TGFBRAP1: variants seen among roughly 807,000 people sequenced by gnomAD.
TGFBRAP1 encodes the protein transforming growth factor-beta receptor-associated protein 1.
In TGFBRAP1, 20 loss-of-function variants were observed where a neutral mutation model predicts 83.2. The observed-to-expected ratio is 0.24, with a 90% CI of 0.17 to 0.35. The LOEUF (loss-of-function observed/expected upper bound fraction) is 0.35. Ranked by LOEUF, TGFBRAP1 falls within the 10% of genes least tolerant of loss-of-function variation. The pLI is 1.00. For synonymous variants in TGFBRAP1, 415 were observed against 459.8 expected (o/e 0.90, Z 1.25); for missense variants, 950 against 1,099.4 (o/e 0.86, Z 1.92).
chr2:105,310,418 G>A (rs946227902), intron 1 of TGFBRAP1, among the ~76,000 whole-genome samples: 22 of 152,044 alleles, frequency 1.4e-4, no homozygotes, highest in Non-Finnish European at 3.1e-4. Flanking sequence ...AACACAGCCT[G>A]CATCATAAGC....
the TGFBRAP1 span, among the ~76,000 whole-genome samples, chr2:105,250,987 G>A: frequency 4.9e-4 from 74 of 152,326 alleles, no homozygotes; most frequent in East Asian, 9.7e-3. Context: ...GTGCAGTGGC[G>A]TGATCTCGGC....
chr2:105,304,465 TA>T (rs1678420648), intron 2 of TGFBRAP1, among the ~76,000 whole-genome samples: 1 of 152,158 alleles, frequency 6.6e-6, no homozygotes. Flanking sequence ...TGTGAAGCCA[TA>T]AAAAGACATG....
chr2:105,249,415 G>A, the TGFBRAP1 span: 2 of 151,772 alleles, frequency 1.3e-5, no homozygotes, highest in Admixed American at 6.6e-5. Context: ...TTCACAAAGA[G>A]CCTTTGTTTA....
intron 10 of TGFBRAP1, among the ~76,000 whole-genome samples, chr2:105,271,563 C>A (rs948665357): frequency 6.6e-6 from 1 of 152,084 alleles, no homozygotes; most frequent in African/African-American, 2.4e-5. Flanking sequence ...CTCTACTGCT[C>A]GTGGGCTGTG....
At chr2:105,284,460 T>C in intron 4 of TGFBRAP1, 62 bp from the exon 5 acceptor site, 1 of 1,482,204 alleles carries the variant, frequency 6.7e-7, no homozygotes, top group Non-Finnish European at 9.4e-7. Context: ...CAGGGTTAAA[T>C]TTGTCTAACC....
chr2:105,269,292 A>G lies in TGFBRAP1; in HGVS notation c.2386T>C (p.Leu796=), dbSNP rs199640334. 8 of 1,606,412 alleles carry G rather than the reference A, an allele frequency of 5.0e-6. No homozygotes were observed. In the East Asian group the frequency reaches 1.8e-4, roughly 36 times the overall value. Residue 796 remains leucine, a synonymous_variant, in exon 11 of 12, where the codon TTA becomes CTA. Coordinates refer to ENST00000393359, the MANE Select transcript of TGFBRAP1 (RefSeq NM_004257.6). This position sits in a 1 kb window ranked among gnomAD's most constrained non-coding sequence, Gnocchi z 4.1. ...VALGLARSEN[L]IYTYDKMKLK... ...CTTACCTTATCGTAGGTGTAGATTAAGTTTTCGGACCTGGCCAGGCCGAGA... is the reference window on the plus strand; with the variant it reads ...CTTACCTTATCGTAGGTGTAGATTAGGTTTTCGGACCTGGCCAGGCCGAGA...
the TGFBRAP1 span, among the ~76,000 whole-genome samples, chr2:105,255,234 T>C: frequency 6.6e-6 from 1 of 152,248 alleles, no homozygotes; most frequent in Admixed American, 6.5e-5. Context: ...GGGCCCTTGC[T>C]GACCCTAGAG....
chr2:105,280,804 C>T (rs2679833), intron 5 of TGFBRAP1, 81 bp from the exon 6 acceptor site: 1,397,908 of 1,442,700 alleles, frequency 0.97, 677,408 homozygotes, highest in East Asian at 1. Flanking sequence ...TGGAGGGGAG[C>T]GCACGGTGGC....
chr2:105,260,466 T>C (rs894307161), downstream of TGFBRAP1, among the ~76,000 whole-genome samples: 2 of 152,284 alleles, frequency 1.3e-5, no homozygotes, highest in African/African-American at 4.8e-5. Flanking sequence ...TTTGAGGACA[T>C]TATGTCAAGT....
chr2:105,270,080 C>A (rs1677098685), intron 10 of TGFBRAP1, among the ~76,000 whole-genome samples: 1 of 152,192 alleles, frequency 6.6e-6, no homozygotes, highest in Non-Finnish European at 1.5e-5. Context: ...AGGACAGTAT[C>A]TTTTGACTAA....
At chr2:105,251,678 A>G in the TGFBRAP1 span, among the ~76,000 whole-genome samples, 3 of 152,278 alleles carry the variant, frequency 2.0e-5, no homozygotes, top group Admixed American at 6.5e-5. Context: ...CCATGATGAC[A>G]ATGGCGGTTT....
Position 105,267,356 on chromosome 2 carries a change from T to TC in TGFBRAP1, c.*26dup. On this transcript the variant is annotated 3_prime_UTR_variant, in exon 12 of 12. Coordinates refer to ENST00000393359, the MANE Select transcript of TGFBRAP1 (RefSeq NM_004257.6). ...AGCAGGCTCAGAAAGAACTCGGAGTTCCCCTCGCACCCTTGGGCCAAGCTT... is the reference window on the plus strand; with the variant it reads ...AGCAGGCTCAGAAAGAACTCGGAGTTCCCCCTCGCACCCTTGGGCCAAGCTT... 3.1e-6 allele frequency: 5 copies of TC among 1,610,920 alleles called. No homozygotes were observed. Among genetic ancestry groups the TC allele is most frequent in the Non-Finnish European group, 4.2e-6 (5 of 1,177,852 alleles).
chr2:105,292,134 AG>A (rs943894993), intron 4 of TGFBRAP1, among the ~76,000 whole-genome samples: 3 of 152,222 alleles, frequency 2.0e-5, no homozygotes, highest in African/African-American at 7.2e-5. Context: ...GGACTGCTTT[AG>A]AAAACCAAAA....
In TGFBRAP1 at chr2:105,273,219, C is replaced by A. The variant is rs112279124; in HGVS notation, c.1813-205G>T. Among the ~76,000 whole-genome samples the A allele has an allele frequency of 5.8e-3, 881 of 152,174 alleles. 5 individuals carry two copies. The highest frequency in any genetic ancestry group is 9.3e-3 in the Non-Finnish European group (630 of 68,002). On this transcript the variant is annotated intron_variant, in intron 9 of 11. Transcript: ENST00000393359. ...TGGGGAATAGAACAAAATGTCACCT[C>A]TTATTTCAAGAAGTAAGGGCCACAG...
chr2:105,290,056 G>A (rs1677852116), intron 4 of TGFBRAP1, among the ~76,000 whole-genome samples: 1 of 152,096 alleles, frequency 6.6e-6, no homozygotes, highest in Non-Finnish European at 1.5e-5. Context: ...TATTAGATAG[G>A]CAATTCTTTT....
At chr2:105,287,289 T>C (rs529932925) in intron 4 of TGFBRAP1, among the ~76,000 whole-genome samples, 47 of 152,202 alleles carry the variant, frequency 3.1e-4, no homozygotes, top group Non-Finnish European at 5.0e-4. Flanking sequence ...TGGTGACGGC[T>C]GCACAGCATG....
rs891460896 is a variant in TGFBRAP1, at chr2:105,265,969, G to A, written c.*1414C>T. On this transcript the variant is annotated 3_prime_UTR_variant, in exon 12 of 12. Coordinates refer to ENST00000393359, the MANE Select transcript of TGFBRAP1 (RefSeq NM_004257.6). ...GAGGGTGTATTCAGGGTCCTCTCTT[G>A]TCATATGTACAAGCTGACGCTTGTT... 1 of 152,270 alleles carries A rather than the reference G, an allele frequency of 6.6e-6. No homozygotes were observed. The highest frequency in any genetic ancestry group is 6.5e-5 in the Admixed American group (1 of 15,288). 9.4% of individuals were successfully genotyped at this position (152,270 alleles called of 1,614,324 possible). A position where few individuals can be genotyped will look rare whatever the true frequency, so the allele number is the denominator to read the frequency against.
intron 6 of TGFBRAP1, 27 bp downstream of exon 6, chr2:105,280,355 T>C: frequency 6.2e-7 from 1 of 1,602,252 alleles, no homozygotes. Flanking sequence ...CGGGAAGCCC[T>C]GATCATATCA....
chr2:105,277,516 A>T, intron 7 of TGFBRAP1, 98 bp downstream of exon 7: 2 of 840,594 alleles, frequency 2.4e-6, no homozygotes, highest in Admixed American at 2.4e-5. Context: ...ATCAGGCAAA[A>T]GTGGTCTCTA....
Sources: gnomAD v4.1 joint callset for allele counts (sites outside exome capture counted in the v4.1 genomes callset) on GRCh38, gnomAD v4.1.1 for gene constraint, Gnocchi (gnomAD v3.1) non-coding constraint, MANE v1.5 for transcripts, NCBI Gene and HGNC (gene_info 2026-07-23, HGNC 2026-07-21) for gene names.